CAST: variants seen among roughly 807,000 people sequenced by gnomAD.
The protein encoded by CAST is calpastatin.
CAST carries 76 observed loss-of-function variants against 119.6 expected under a neutral mutation model. The observed-to-expected ratio is 0.64, with a 90% CI of 0.53 to 0.77. CAST has a LOEUF of 0.77. Ranked by LOEUF, CAST falls within the 30% of genes least tolerant of loss-of-function variation. The probability of loss-of-function intolerance (pLI) is 0.00; values close to 1 mark genes in which losing one functional copy is unlikely to be tolerated. For missense variants in CAST, 953 were observed against 946.5 expected (o/e 1.01, Z -0.09); for synonymous variants, 319 against 331.6 (o/e 0.96, Z 0.41).
At chr5:96,370,163 TA>T in the CAST span, among the ~76,000 whole-genome samples, 3 of 151,474 alleles carry the variant, frequency 2.0e-5, no homozygotes, top group Non-Finnish European at 2.9e-5. Context: ...ATAATTAATT[TA>T]AAAAATAGTA....
chr5:96,171,877 C>T, the CAST span, among the ~76,000 whole-genome samples: 2 of 152,220 alleles, frequency 1.3e-5, no homozygotes, highest in African/African-American at 4.8e-5. Context: ...TCTCACGGAG[C>T]AAAGAGCAGG....
chr5:96,282,973 CA>C, the CAST span, among the ~76,000 whole-genome samples: 17 of 150,226 alleles, frequency 1.1e-4, no homozygotes, highest in African/African-American at 1.2e-4. Flanking sequence ...ACTAAAAATA[CA>C]AAAAAATTAG....
chr5:96,534,717 G>A (rs865920528), intron 1 of CAST, among the ~76,000 whole-genome samples: 8 of 4,794 alleles, frequency 1.7e-3, no homozygotes, highest in South Asian at 0.011. Flanking sequence ...GAAGGAAGGA[G>A]AGAGAGAGAG....
the CAST span, among the ~76,000 whole-genome samples, chr5:96,330,917 C>A: frequency 1.6e-4 from 25 of 152,204 alleles, no homozygotes; most frequent in African/African-American, 6.0e-4. Context: ...ATAAGGAAAG[C>A]AGTAACTTCT....
chr5:96,093,525 CT>C, the CAST span, among the ~76,000 whole-genome samples: 1 of 152,192 alleles, frequency 6.6e-6, no homozygotes, highest in Non-Finnish European at 1.5e-5. Context: ...ATAAGCCCAG[CT>C]GGTAGGGTGC....
the CAST span, among the ~76,000 whole-genome samples, chr5:96,367,393 T>G: frequency 6.6e-6 from 1 of 150,718 alleles, no homozygotes; most frequent in African/African-American, 2.5e-5. Flanking sequence ...TTCTGCTGCC[T>G]TTTCTTTGGC....
chr5:96,459,069 G>A, the CAST span, among the ~76,000 whole-genome samples: 863 of 152,248 alleles, frequency 5.7e-3, 18 homozygotes, highest in African/African-American at 0.019. Context: ...AGAATAAAGT[G>A]AGTGCTTCTA....
At position 96,737,892 on chromosome 5, in the gene CAST, G is replaced by C. The variant is rs759344521; in HGVS notation, c.743G>C (p.Gly248Ala). ...TTGGATGACTTAATAGATACTTTAG[G>C]AGGACCTGAAGAAACTGAAGAAGAA... is the stretch of plus-strand genomic sequence containing the variant. ...AALDDLIDTLGGPEETEEENT... is the reference protein window; with the variant it reads ...AALDDLIDTLAGPEETEEENT... The change falls in exon 11 of 32, where the codon GGA (glycine) becomes GCA (alanine). Residue 248 changes from glycine (G) to alanine (A), a missense_variant. Transcript: ENST00000675179. The C allele has an allele frequency of 5.6e-6, 9 of 1,609,082 alleles. No homozygotes were observed. In the East Asian group the frequency reaches 1.8e-4, roughly 32 times the overall value.
chr5:96,094,291 T>C, the CAST span, among the ~76,000 whole-genome samples: 9 of 152,202 alleles, frequency 5.9e-5, no homozygotes, highest in Non-Finnish European at 1.2e-4. Context: ...GATTTGGCAT[T>C]GAGAGAGTGG....
chr5:96,686,370 C>G (rs537317855), intron 2 of CAST, among the ~76,000 whole-genome samples: 1 of 151,780 alleles, frequency 6.6e-6, no homozygotes, highest in Non-Finnish European at 1.5e-5. Context: ...AAACTAAAAT[C>G]AAGTGTTGAT....
chr5:96,349,077 T>C, the CAST span, among the ~76,000 whole-genome samples: 3 of 150,464 alleles, frequency 2.0e-5, no homozygotes, highest in Admixed American at 6.6e-5. Flanking sequence ...ACCAACAAAA[T>C]ATTCTATAAT....
the CAST span, among the ~76,000 whole-genome samples, chr5:96,510,170 T>G: frequency 6.6e-6 from 1 of 152,214 alleles, no homozygotes; most frequent in Admixed American, 6.5e-5. Context: ...TATTTCTCAA[T>G]AAGCTGTAAT....
chr5:96,745,628 C>T (rs1446052334), intron 16 of CAST, among the ~76,000 whole-genome samples: 7 of 152,186 alleles, frequency 4.6e-5, no homozygotes, highest in Non-Finnish European at 4.4e-5. Flanking sequence ...CTTCACACTA[C>T]CCACCAGCAG....
At chr5:95,980,751 A>AT in the CAST span, among the ~76,000 whole-genome samples, 1 of 151,946 alleles carries the variant, frequency 6.6e-6, no homozygotes, top group African/African-American at 2.4e-5. Flanking sequence ...TGCCCAACCC[A>AT]TTCCCTGGCA....
chr5:96,351,230 C>T, the CAST span, among the ~76,000 whole-genome samples: 1 of 152,100 alleles, frequency 6.6e-6, no homozygotes, highest in Non-Finnish European at 1.5e-5. Flanking sequence ...GATTGTATAA[C>T]TGTTTACTAA....
chr5:96,319,117 A>T, the CAST span: 2 of 152,218 alleles, frequency 1.3e-5, no homozygotes, highest in Non-Finnish European at 2.9e-5. Context: ...GGTGAAGGGG[A>T]AGCAGGCATG....
At chr5:96,702,773 G>T (rs1354114807) in intron 3 of CAST, 2 of 985,334 alleles carry the variant, frequency 2.0e-6, no homozygotes, top group African/African-American at 1.7e-5. Flanking sequence ...ATCCTGCGTC[G>T]CCTTCCCGGG....
chr5:96,264,134 A>G, the CAST span, among the ~76,000 whole-genome samples: 1 of 152,220 alleles, frequency 6.6e-6, no homozygotes, highest in South Asian at 2.1e-4. Context: ...TGTAAATTGT[A>G]TTCAATTATA....
the CAST span, among the ~76,000 whole-genome samples, chr5:95,992,475 C>T: frequency 2.1e-4 from 31 of 150,598 alleles, no homozygotes; most frequent in Admixed American, 1.3e-3. Flanking sequence ...ATAAACCAAA[C>T]TGGGGGACAT....
Sources: gnomAD v4.1 joint callset for allele counts (sites outside exome capture counted in the v4.1 genomes callset) on GRCh38, gnomAD v4.1.1 for gene constraint, MANE v1.5 for transcripts, NCBI Gene and HGNC (gene_info 2026-07-23, HGNC 2026-07-21) for gene names.